The following DNER variants were observed in gnomAD, a reference collection of about 807,000 sequenced individuals.
The protein encoded by DNER is delta and Notch-like epidermal growth factor-related receptor.
In DNER, 33 loss-of-function variants were observed where a neutral mutation model predicts 78.2. The observed-to-expected ratio is 0.42, with a 90% CI of 0.32 to 0.56. DNER has a LOEUF of 0.56. Ranked by LOEUF, DNER falls within the 20% of genes least tolerant of loss-of-function variation. The pLI is 0.11. For synonymous variants in DNER, 417 were observed against 384.8 expected (o/e 1.08, Z -0.98); for missense variants, 918 against 975.3 (o/e 0.94, Z 0.78).
At chr2:229,667,811 G>A (rs868683990) in intron 1 of DNER, among the ~76,000 whole-genome samples, 10 of 152,178 alleles carry the variant, frequency 6.6e-5, no homozygotes, top group South Asian at 4.1e-4. Flanking sequence ...AGAAAACAAG[G>A]AAGGATAGTG....
chr2:229,428,176 C>T (rs1440049438), intron 8 of DNER, among the ~76,000 whole-genome samples: 1 of 150,244 alleles, frequency 6.7e-6, no homozygotes, highest in African/African-American at 2.5e-5. Context: ...GATACAAAAT[C>T]AGATTTGCAT....
intron 5 of DNER, among the ~76,000 whole-genome samples, chr2:229,515,288 A>G (rs182346796): frequency 6.6e-6 from 1 of 152,342 alleles, no homozygotes; most frequent in East Asian, 1.9e-4. Flanking sequence ...TCCTTGCTCA[A>G]ATGCATAACA....
chr2:229,699,848 T>C (rs1246612503), intron 1 of DNER, among the ~76,000 whole-genome samples: 1 of 152,104 alleles, frequency 6.6e-6, no homozygotes, highest in Non-Finnish European at 1.5e-5. Context: ...CATTAATGAA[T>C]CTGGCTAAAT....
intron 3 of DNER, among the ~76,000 whole-genome samples, chr2:229,587,476 G>A (rs899385094): frequency 6.6e-6 from 1 of 151,998 alleles, no homozygotes; most frequent in African/African-American, 2.4e-5. Context: ...ACATGTTCAG[G>A]GACTCCACTG....
rs563772431 is a variant in DNER at position 229,418,141 on chromosome 2, C to T, written c.1576G>A (p.Gly526Ser). The T allele has an allele frequency of 1.9e-6, 3 of 1,614,176 alleles. No homozygotes were observed. Among genetic ancestry groups the T allele is most frequent in the Admixed American group, 1.7e-5 (1 of 60,024 alleles). The part of the protein sequence containing the change: ...NAATCRDLVN[G>S]YECVCLAEYK... ...TCTGCCAGGCACACACACTCATAGC[C>T]ATTAACGAGGTCCCTGCAGGTGGCT... The change falls in exon 9 of 13, where the codon GGC becomes AGC. Residue 526 changes from glycine (G) to serine (S), a missense_variant. Gly to Ser is a moderately conservative substitution (Grantham distance 56, BLOSUM62 0). Transcript: ENST00000341772.
At chr2:229,372,910 G>T (rs1007344684) in intron 11 of DNER, among the ~76,000 whole-genome samples, 1 of 152,032 alleles carries the variant, frequency 6.6e-6, no homozygotes, top group Non-Finnish European at 1.5e-5. Flanking sequence ...GCCAATTCCT[G>T]GTTTCCTGGC....
intron 6 of DNER, among the ~76,000 whole-genome samples, chr2:229,484,772 A>T (rs1413087898): frequency 6.6e-6 from 1 of 152,184 alleles, no homozygotes; most frequent in Non-Finnish European, 1.5e-5. Context: ...AAATGTCCTG[A>T]ACACCAAGGT....
intron 4 of DNER, among the ~76,000 whole-genome samples, chr2:229,560,558 G>T (rs1426851306): frequency 2.6e-5 from 4 of 152,170 alleles, no homozygotes; most frequent in African/African-American, 9.7e-5. Flanking sequence ...AGAGGCAGGG[G>T]TGAAACAGCA....
At chr2:229,610,514 C>T (rs1698026627) in intron 1 of DNER, among the ~76,000 whole-genome samples, 1 of 152,196 alleles carries the variant, frequency 6.6e-6, no homozygotes, top group Admixed American at 6.5e-5. Context: ...TGCATTTGCT[C>T]CGTTTGGCAA....
intron 9 of DNER, among the ~76,000 whole-genome samples, 174 bp downstream of exon 9, chr2:229,417,934 G>A (rs1263830292): frequency 6.6e-6 from 1 of 152,254 alleles, no homozygotes; most frequent in Non-Finnish European, 1.5e-5. Context: ...CTATCAGGAA[G>A]AAACCAGAGA....
At chr2:229,708,799 TAAGAATGCAGC>T (rs929362402) in intron 1 of DNER, among the ~76,000 whole-genome samples, 3 of 152,216 alleles carry the variant, frequency 2.0e-5, no homozygotes, top group African/African-American at 7.2e-5. Flanking sequence ...TGATGCCTCC[TAAGAATGCAGC>T]AAGAATGCAG....
At chr2:229,629,164 G>T (rs2154215684) in intron 1 of DNER, among the ~76,000 whole-genome samples, 1 of 152,276 alleles carries the variant, frequency 6.6e-6, no homozygotes, top group Middle Eastern at 3.4e-3. Context: ...CTGCAAATTG[G>T]CTGCAATCAT....
chr2:229,481,575 CTT>C (rs1695159744), intron 6 of DNER, among the ~76,000 whole-genome samples: 1 of 151,850 alleles, frequency 6.6e-6, no homozygotes, highest in Non-Finnish European at 1.5e-5. Flanking sequence ...CTTCCTGTGT[CTT>C]TTGGTTTTTT....
intron 1 of DNER, among the ~76,000 whole-genome samples, chr2:229,678,787 T>C (rs35849655): frequency 0.42 from 64,288 of 152,124 alleles, 15,407 homozygotes; most frequent in Non-Finnish European, 0.56. Context: ...ATGACTTTCC[T>C]GTATTTACAG....
At position 229,630,479 on chromosome 2, in the gene DNER, A is replaced by AAATAATAATAAT. The variant is rs200043673; in HGVS notation, c.277-38603_277-38592dup. Among the ~76,000 whole-genome samples, 554 of 139,050 alleles carry AAATAATAATAAT rather than the reference A, an allele frequency of 4.0e-3. 2 individuals are homozygous for AAATAATAATAAT. Among genetic ancestry groups the AAATAATAATAAT allele is most frequent in the Non-Finnish European group, 5.8e-3 (377 of 65,046 alleles). The allele number at this position is 139,050 out of a possible 152,430, so 91.2% of individuals were successfully genotyped here. On this transcript the variant is annotated intron_variant, in intron 1 of 12. Transcript: ENST00000341772. Reference sequence around the variant, plus strand: ...CGACAGAGTGAGAGACTCCATCTCAAAATAATAATAATAATAATAATAATA... The same window carrying AAATAATAATAAT: ...CGACAGAGTGAGAGACTCCATCTCAAAATAATAATAATAATAATAATAATAATAATAATAATA...
chr2:229,697,082 G>A (rs1427154309), intron 1 of DNER, among the ~76,000 whole-genome samples: 1 of 152,174 alleles, frequency 6.6e-6, no homozygotes, highest in African/African-American at 2.4e-5. Context: ...TAGCTAAAGG[G>A]TGGGAACAAT....
chr2:229,399,099 T>C (rs1693210231), intron 10 of DNER, among the ~76,000 whole-genome samples: 2 of 150,752 alleles, frequency 1.3e-5, no homozygotes, highest in African/African-American at 2.4e-5. Context: ...TTTATACCTA[T>C]CAGAAAGGAA....
At chr2:229,695,912 C>T (rs1465646954) in intron 1 of DNER, among the ~76,000 whole-genome samples, 2 of 152,096 alleles carry the variant, frequency 1.3e-5, no homozygotes, top group Non-Finnish European at 2.9e-5. Context: ...AGAACTGCTC[C>T]CTGATGGAGA....
Position 229,425,753 on chromosome 2 carries a change from C to G in DNER, c.1487-7523G>C, listed in dbSNP as rs146477702. Among the ~76,000 whole-genome samples the G allele has an allele frequency of 7.4e-3, 1,133 of 152,270 alleles. 5 individuals are homozygous for G. Among genetic ancestry groups the G allele is most frequent in the Non-Finnish European group, 0.011 (769 of 68,018 alleles). On this transcript the variant is annotated intron_variant, in intron 8 of 12. Transcript: ENST00000341772. ...CTGTAGCCAGATGGCTTTCACACTT[C>G]GTGCAACAAATTCCCAGCGACTCAT...
Sources: gnomAD v4.1 joint callset for allele counts (sites outside exome capture counted in the v4.1 genomes callset) on GRCh38, gnomAD v4.1.1 for gene constraint, MANE v1.5 for transcripts, NCBI Gene and HGNC (gene_info 2026-07-23, HGNC 2026-07-21) for gene names.